Variants in NTM observed in about 807,000 individuals in gnomAD.
NTM encodes IgLON family member 2.
A neutral mutation model predicts 42.1 loss-of-function variants in NTM; 13 were observed. That is an observed-to-expected ratio of 0.31 (90% CI 0.20 to 0.49). The LOEUF (loss-of-function observed/expected upper bound fraction) is 0.49, where lower values mean the gene tolerates loss of function less well. NTM is among the 20% of genes least tolerant of loss of function. The probability of loss-of-function intolerance (pLI) is 0.99; values close to 1 mark genes in which losing one functional copy is unlikely to be tolerated. For synonymous variants in NTM, 187 were observed against 179.2 expected (o/e 1.04, Z -0.35); for missense variants, 373 against 452.8 (o/e 0.82, Z 1.60).
intron 2 of NTM, among the ~76,000 whole-genome samples, chr11:131,972,042 CAAAAA>C (rs61627120): frequency 1.7e-5 from 1 of 57,838 alleles, no homozygotes; most frequent in African/African-American, 6.8e-5. Context: ...GACTCCGTCT[CAAAAA>C]AAAAAAAAAA....
chr11:132,240,735 G>T (rs1034923608), intron 4 of NTM, among the ~76,000 whole-genome samples: 1 of 152,202 alleles, frequency 6.6e-6, no homozygotes, highest in Admixed American at 6.5e-5. Context: ...AGATTAGGGG[G>T]TGAAATTAGA....
Position 132,146,212 on chromosome 11 carries a change from T to C in NTM, c.168-70T>C. The stretch of plus-strand genomic sequence containing the variant: ...AAGACAAGATATTCTAGCCTTGCCA[T>C]GAGGACCTCCCTCTGATGGCTGCTG... On this transcript the variant is annotated intron_variant, in intron 2 of 8. Transcript: ENST00000683400. This position sits in a 1 kb window ranked among gnomAD's most constrained non-coding sequence, Gnocchi z 4.5. 4 of 1,583,436 alleles carry C rather than the reference T, an allele frequency of 2.5e-6. No homozygotes were observed. Among genetic ancestry groups the C allele is most frequent in the Non-Finnish European group, 8.6e-7 (1 of 1,162,908 alleles).
intron 1 of NTM, among the ~76,000 whole-genome samples, chr11:131,746,344 G>A (rs1459567640): frequency 6.6e-6 from 1 of 152,076 alleles, no homozygotes; most frequent in Non-Finnish European, 1.5e-5. Flanking sequence ...CTTTTTCAAC[G>A]CCGGAAAAGT....
At chr11:132,054,361 T>G (rs1594161930) in intron 2 of NTM, among the ~76,000 whole-genome samples, 1 of 152,342 alleles carries the variant, frequency 6.6e-6, no homozygotes, top group African/African-American at 2.4e-5. Context: ...CTTGACTGGG[T>G]TTTCTTCTTT....
chr11:131,972,516 C>T (rs1429253589), intron 2 of NTM, among the ~76,000 whole-genome samples: 1 of 152,046 alleles, frequency 6.6e-6, no homozygotes, highest in Non-Finnish European at 1.5e-5. Flanking sequence ...TTGTTTCCTC[C>T]CACGTTGTGA....
chr11:131,705,117 C>T (rs1315276420), intron 1 of NTM, among the ~76,000 whole-genome samples: 1 of 152,142 alleles, frequency 6.6e-6, no homozygotes, highest in Admixed American at 6.5e-5. Context: ...ACATCCAAAT[C>T]CATGATTCCA....
At chr11:132,075,395 A>G (rs1032992028) in intron 2 of NTM, among the ~76,000 whole-genome samples, 1 of 152,230 alleles carries the variant, frequency 6.6e-6, no homozygotes, top group African/African-American at 2.4e-5. Context: ...ACTAAGGTGC[A>G]ACAATATTTT....
At chr11:132,101,554 CCT>C (rs2061615446) in intron 2 of NTM, among the ~76,000 whole-genome samples, 1 of 86,926 alleles carries the variant, frequency 1.2e-5, no homozygotes, top group Non-Finnish European at 2.4e-5. Context: ...AGGAACACAA[CCT>C]TGTGTGTGTG....
At chr11:131,598,780 TTC>T (rs1491094689) in intron 1 of NTM, among the ~76,000 whole-genome samples, 4 of 81,916 alleles carry the variant, frequency 4.9e-5, no homozygotes, top group African/African-American at 1.6e-4. Flanking sequence ...CTTTCTTTCT[TTC>T]TTCTTTCTTT....
intron 2 of NTM, among the ~76,000 whole-genome samples, chr11:132,085,469 T>C (rs1053028499): frequency 6.6e-6 from 1 of 152,220 alleles, no homozygotes; most frequent in Non-Finnish European, 1.5e-5. Context: ...TTTATAACCT[T>C]AAAACATTTA....
chr11:132,307,216 C>T (rs560255821), intron 4 of NTM, among the ~76,000 whole-genome samples: 2 of 151,818 alleles, frequency 1.3e-5, no homozygotes, highest in Non-Finnish European at 1.5e-5. Flanking sequence ...TTGTGATGCA[C>T]GTGTGTGTGT....
chr11:131,772,956 G>A (rs1004249599), intron 1 of NTM, among the ~76,000 whole-genome samples: 1 of 152,194 alleles, frequency 6.6e-6, no homozygotes, highest in Non-Finnish European at 1.5e-5. Context: ...AAAGAGAAGA[G>A]ACATTTATGG....
At chr11:131,809,460 G>A (rs1173984358) in intron 1 of NTM, among the ~76,000 whole-genome samples, 1 of 152,204 alleles carries the variant, frequency 6.6e-6, no homozygotes, top group Non-Finnish European at 1.5e-5. Context: ...GATCACTGCT[G>A]TGGCCCCGGT....
intron 1 of NTM, among the ~76,000 whole-genome samples, chr11:131,639,267 CT>C (rs1225772403): frequency 1.3e-5 from 2 of 150,150 alleles, no homozygotes; most frequent in African/African-American, 4.8e-5. Flanking sequence ...GATACTACTA[CT>C]TTGGATCTGT....
chr11:131,596,311 T>C lies in NTM; in HGVS notation c.82+225423T>C, dbSNP rs1438328663. ...GAGAGTCTAGGGATCAGCAAATATA[T>C]TTAGTAAAGAGTGAGACAGTGAATA... On this transcript the variant is annotated intron_variant, in intron 1 of 8. Transcript: ENST00000683400. Among the ~76,000 whole-genome samples, 3 of 152,190 alleles carry C rather than the reference T, an allele frequency of 2.0e-5. No individual in the cohort carries two copies. In the East Asian group the frequency reaches 5.8e-4, roughly 29 times the overall value.
chr11:131,741,704 A>C (rs765660861), intron 1 of NTM, among the ~76,000 whole-genome samples: 5 of 152,214 alleles, frequency 3.3e-5, no homozygotes, highest in Non-Finnish European at 5.9e-5. Context: ...GATGGCCTAT[A>C]TTTTTACATA....
rs114619919 is a variant in NTM, at chr11:132,231,960, G to A, written c.526+19813G>A. 7.2e-3 allele frequency among the ~76,000 whole-genome samples: 1,094 copies of A among 152,246 alleles called. 18 individuals carry two copies. The highest frequency in any genetic ancestry group is 0.024 in the African/African-American group (1,015 of 41,546). On this transcript the variant is annotated intron_variant, in intron 4 of 8. Coordinates refer to ENST00000683400, the MANE Select transcript of NTM (RefSeq NM_001352005.2). The stretch of plus-strand genomic sequence containing the variant: ...AGGGCAGTGCAGTGGGAGGAGACCC[G>A]TCTGCTGTCCTCCCTAGGCGATGTA...
chr11:132,157,371 T>A (rs2073402506), intron 3 of NTM, among the ~76,000 whole-genome samples: 1 of 152,228 alleles, frequency 6.6e-6, no homozygotes, highest in Non-Finnish European at 1.5e-5. Flanking sequence ...ACCCTTGTCA[T>A]GTAAATGCAA....
intron 1 of NTM, among the ~76,000 whole-genome samples, chr11:131,801,679 A>T (rs1703430711): frequency 1.3e-5 from 2 of 152,052 alleles, no homozygotes; most frequent in African/African-American, 4.8e-5. Flanking sequence ...TACAGAAGGG[A>T]GGTAAACCAT....
Sources: allele counts gnomAD v4.1 joint callset (sites outside exome capture counted in the v4.1 genomes callset), GRCh38; gene constraint gnomAD v4.1.1; non-coding constraint Gnocchi (gnomAD v3.1); transcripts MANE v1.5; gene names NCBI Gene and HGNC (gene_info 2026-07-23, HGNC 2026-07-21).